FGFR1: variants seen among roughly 807,000 people sequenced by gnomAD.
The protein encoded by FGFR1 is FGFR1/PLAG1 fusion.
FGFR1 carries 18 observed loss-of-function variants against 93.7 expected under a neutral mutation model. The ratio of observed to expected loss-of-function variants is 0.19; its 90% CI spans 0.13 to 0.28. The LOEUF is 0.28. FGFR1 is among the 10% of genes least tolerant of loss of function. FGFR1 has a pLI of 1.00. For synonymous variants in FGFR1, 448 were observed against 429.3 expected (o/e 1.04, Z -0.54); for missense variants, 731 against 1,080.4 (o/e 0.68, Z 4.53).
At chr8:38,440,194 G>A (rs1826896095) in intron 2 of FGFR1, 3 of 908,100 alleles carry the variant, frequency 3.3e-6, no homozygotes, top group Non-Finnish European at 5.3e-6. Context: ...ACTCGGGGTG[G>A]CTTTGAAAGC....
intron 1 of FGFR1, among the ~76,000 whole-genome samples, chr8:38,462,786 T>C (rs1283071585): frequency 1.3e-5 from 2 of 151,742 alleles, no homozygotes; most frequent in Non-Finnish European, 2.9e-5. Context: ...TTATTTTTAG[T>C]AGAAATAGGG....
chr8:38,464,245 G>A (rs1303100204), intron 1 of FGFR1, among the ~76,000 whole-genome samples: 1 of 147,566 alleles, frequency 6.8e-6, no homozygotes, highest in African/African-American at 2.5e-5. Context: ...CAACCGGAAG[G>A]CGGAGGTTGC....
chr8:38,435,168 C>G (rs1824856382), intron 2 of FGFR1: 2 of 152,206 alleles, frequency 1.3e-5, no homozygotes, highest in African/African-American at 2.4e-5. Context: ...CCGTGCCTGG[C>G]CTGTATTGCT....
intron 2 of FGFR1, among the ~76,000 whole-genome samples, chr8:38,443,751 C>A (rs1256988670): frequency 2.7e-5 from 4 of 150,864 alleles, no homozygotes; most frequent in African/African-American, 7.3e-5. Context: ...TATATTTTAC[C>A]ACAACAAAAG....
At position 38,429,670 on chromosome 8, in the gene FGFR1, T is replaced by G. The variant is rs2150953938; in HGVS notation, c.358+12A>C. The G allele has an allele frequency of 6.4e-7, 1 of 1,561,164 alleles. No individual in the cohort carries two copies. The highest frequency in any genetic ancestry group is 8.7e-7 in the Non-Finnish European group (1 of 1,152,240). On this transcript the variant is annotated intron_variant, in intron 3 of 17. Transcript: ENST00000447712. This position sits in a 1 kb window ranked among gnomAD's most constrained non-coding sequence, Gnocchi z 4.4. ...GTCTAGGGAGGGGCAAGGGCAGGGC[T>G]TGGCTACCAACCTGAAACATTGACG...
At chr8:38,458,007 T>C (rs570393966) in intron 1 of FGFR1, among the ~76,000 whole-genome samples, 6 of 152,058 alleles carry the variant, frequency 3.9e-5, no homozygotes, top group South Asian at 2.1e-4. Context: ...TAGGTCTTAA[T>C]TGGACAGAGG....
At chr8:38,465,372 T>A (rs1194070448) in intron 1 of FGFR1, 1 of 232,364 alleles carries the variant, frequency 4.3e-6, no homozygotes, top group East Asian at 6.1e-5. Context: ...GCAGTCCAAG[T>A]GGCTCTCAAT....
chr8:38,428,095 T>G lies in FGFR1; in HGVS notation c.449-2A>C. The G allele has an allele frequency of 6.2e-7, 1 of 1,614,092 alleles. No individual in the cohort carries two copies. The highest frequency in any genetic ancestry group is 8.5e-7 in the Non-Finnish European group (1 of 1,180,040). Reference sequence around the variant, plus strand: ...GGGATGTCCAATATGGAGCTACGGCTGCCCGGGGAAAGCCAAGAGAGACAG... The same window carrying G: ...GGGATGTCCAATATGGAGCTACGGCGGCCCGGGGAAAGCCAAGAGAGACAG... On this transcript the variant is annotated splice_acceptor_variant, in intron 4 of 17. Coordinates refer to ENST00000447712, the MANE Select transcript of FGFR1 (RefSeq NM_023110.3). LOFTEE classifies it high-confidence loss of function.
chr8:38,421,385 G>T (rs568238917), intron 8 of FGFR1, among the ~76,000 whole-genome samples: 107 of 152,334 alleles, frequency 7.0e-4, no homozygotes, highest in Middle Eastern at 3.4e-3. Context: ...CCCCACCCCT[G>T]GGCTGAGCAC....
intron 16 of FGFR1, 43 bp downstream of exon 16, chr8:38,414,109 C>A (rs2150528145): frequency 6.2e-7 from 1 of 1,614,142 alleles, no homozygotes; most frequent in South Asian, 1.1e-5. Flanking sequence ...CCACTCTTGC[C>A]CCAAGGCCTG....
chr8:38,428,339 G>A lies in FGFR1; in HGVS notation c.448+7C>T. ...AAAGGGCAGTAAGATAGGAAACAGT[G>A]TCTCACGCATACGGTTTGGTTTGGT... On this transcript the variant is annotated splice_region_variant and intron_variant, in intron 4 of 17. Coordinates refer to ENST00000447712, the MANE Select transcript of FGFR1 (RefSeq NM_023110.3). 6.2e-7 allele frequency: 1 copy of A among 1,612,736 alleles called. No homozygotes were observed. Among genetic ancestry groups the A allele is most frequent in the Non-Finnish European group, 8.5e-7 (1 of 1,178,720 alleles).
chr8:38,424,077 A>G lies in FGFR1; in HGVS notation c.936+432T>C, dbSNP rs934260250. The G allele has an allele frequency of 4.5e-5, 13 of 289,908 alleles. No individual in the cohort carries two copies. The highest frequency in any genetic ancestry group is 3.6e-4 in the South Asian group (10 of 27,942). 18.0% of individuals were successfully genotyped at this position (289,908 alleles called of 1,614,324 possible). A position where few individuals can be genotyped will look rare whatever the true frequency, so the allele number is the denominator to read the frequency against. ...TTTATATATGGCATTTGTTTTTCCA[A>G]CTCTTCGTAAGAGATGCTCTTATCA... On this transcript the variant is annotated intron_variant, in intron 7 of 17. Transcript: ENST00000447712. The surrounding 1 kb of genome is among the most constrained non-coding windows in gnomAD (Gnocchi z 4.3).
Position 38,464,397 on chromosome 8 carries a change from T to C in FGFR1, c.-89+3584A>G, listed in dbSNP as rs1835084129. Among the ~76,000 whole-genome samples the C allele has an allele frequency of 2.0e-5, 3 of 150,648 alleles. 1 individual carries two copies. In the South Asian group the frequency reaches 6.3e-4, roughly 32 times the overall value. On this transcript the variant is annotated intron_variant, in intron 1 of 17. Transcript: ENST00000447712. ...GAAAACCTTGCTCTTGAAGACAGGA[T>C]GTACTATGAGTGGAACCCCACCAAA...
intron 10 of FGFR1, 23 bp downstream of exon 10, chr8:38,418,205 G>A (rs1166766474): frequency 1.2e-6 from 2 of 1,614,160 alleles, no homozygotes; most frequent in South Asian, 1.1e-5. Context: ...CCTTCAAAAA[G>A]TTGGGAGTCA....
chr8:38,418,252 G>A lies in FGFR1; in HGVS notation c.1406C>T (p.Pro469Leu), dbSNP rs2150670987. 6.2e-7 allele frequency: 1 copy of A among 1,614,242 alleles called. No individual in the cohort carries two copies. Among genetic ancestry groups the A allele is most frequent in the Non-Finnish European group, 8.5e-7 (1 of 1,180,044 alleles). ...CCTGTCCCGAGGCAGCTCCCAGCGA[G>A]GGTCTTCGGGAAGCTCATACTCAGA... ...GVSEYELPED[P>L]RWELPRDRLV... is the part of the protein sequence containing the mutation. Residue 469 changes from proline to leucine, a missense_variant, in exon 10 of 18, where the codon CCT becomes CTT. Physicochemically the swap from Pro to Leu is moderately conservative, Grantham distance 98 (BLOSUM62 -3). Around this residue, in one of 10 missense-constraint regions of FGFR1, gnomAD observed 146 missense variants for 173.0 expected, o/e 0.84. Coordinates refer to ENST00000447712, the MANE Select transcript of FGFR1 (RefSeq NM_023110.3).
chr8:38,462,660 C>T (rs2151442003), intron 1 of FGFR1, among the ~76,000 whole-genome samples: 1 of 151,978 alleles, frequency 6.6e-6, no homozygotes, highest in African/African-American at 2.4e-5. Flanking sequence ...GTCACTCAGG[C>T]TGGAGTTGCA....
chr8:38,429,499 TAGTCACCTCTCTG>T lies in FGFR1; in HGVS notation c.358+170_358+182del, dbSNP rs945662465. 6.2e-5 allele frequency: 47 copies of T among 753,186 alleles called. No homozygotes were observed. The African/African-American group carries it at 7.9e-4, about 13-fold the overall frequency. 46.7% of individuals were successfully genotyped at this position (753,186 alleles called of 1,614,324 possible). On this transcript the variant is annotated intron_variant, in intron 3 of 17. Transcript: ENST00000447712. The surrounding 1 kb of genome is among the most constrained non-coding windows in gnomAD (Gnocchi z 4.4). ...CTCCGGCCCTGGGGCCCACCCCACC[TAGTCACCTCTCTG>T]AGAGCCAAGCCACGCGGCAGGCAGG...
rs2150862756 is a variant in FGFR1, at chr8:38,426,193, T to C, written c.674A>G (p.Lys225Arg). The change falls in exon 6 of 18, where the codon AAG (lysine) becomes AGG (arginine). Residue 225 changes from lysine (K) to arginine (R), a missense_variant. Lys to Arg is a conservative substitution (Grantham distance 26). Around this residue, in one of 10 missense-constraint regions of FGFR1, gnomAD observed 109 missense variants for 249.4 expected, o/e 0.44. Transcript: ENST00000447712. The surrounding 1 kb of genome is among the most constrained non-coding windows in gnomAD (Gnocchi z 4.1). Reference protein sequence around the residue: ...IIMDSVVPSDKGNYTCIVENE... With the variant: ...IIMDSVVPSDRGNYTCIVENE... ...CTCCACAATGCAGGTGTAGTTGCCC[T>C]TGTCAGAGGGCACCACAGAGTCCAT... 1 of 1,614,154 alleles carries C rather than the reference T, an allele frequency of 6.2e-7. No individual in the cohort carries two copies. The highest frequency in any genetic ancestry group is 1.3e-5 in the African/African-American group (1 of 75,040).
At chr8:38,466,220 C>A (rs975043982) in intron 1 of FGFR1, 2 of 232,288 alleles carry the variant, frequency 8.6e-6, no homozygotes, top group Admixed American at 1.1e-4. Flanking sequence ...GCAGCAGCCG[C>A]CCACGCCCCC....
Sources: allele counts gnomAD v4.1 joint callset (sites outside exome capture counted in the v4.1 genomes callset), GRCh38; gene constraint gnomAD v4.1.1; regional missense constraint gnomAD v4.1.1; non-coding constraint Gnocchi (gnomAD v3.1); transcripts MANE v1.5; gene names NCBI Gene and HGNC (gene_info 2026-07-23, HGNC 2026-07-21).